Variants in NMT1 observed in about 807,000 individuals in gnomAD.
NMT1 encodes the protein N-myristoyltransferase 1, also known as glycylpeptide N-tetradecanoyltransferase 1.
Under a neutral mutation model 63.4 loss-of-function variants are expected in NMT1, and 12 were observed. The ratio of observed to expected loss-of-function variants is 0.19; its 90% CI spans 0.12 to 0.31. NMT1 has a LOEUF of 0.31. NMT1 is among the 10% of genes least tolerant of loss of function. NMT1 has a pLI of 1.00. For synonymous variants in NMT1, 228 were observed against 234.3 expected, an observed-to-expected ratio of 0.97 and a Z score of 0.25; for missense variants, 432 against 634.6, an observed-to-expected ratio of 0.68 and a Z score of 3.43.
chr17:45,099,017 C>A (rs914254601), intron 7 of NMT1, among the ~76,000 whole-genome samples: 3 of 152,150 alleles, frequency 2.0e-5, no homozygotes, highest in Non-Finnish European at 4.4e-5. Flanking sequence ...CCTTAGAGAA[C>A]TTTAAAAGTA....
intron 3 of NMT1, among the ~76,000 whole-genome samples, chr17:45,088,839 C>T (rs1016063988): frequency 6.6e-6 from 1 of 151,830 alleles, no homozygotes; most frequent in Admixed American, 6.6e-5. Context: ...CTTTGTTTTC[C>T]TTTCACCTGT....
chr17:45,071,085 A>G (rs2053936618), intron 1 of NMT1, among the ~76,000 whole-genome samples: 1 of 152,182 alleles, frequency 6.6e-6, no homozygotes, highest in Non-Finnish European at 1.5e-5. Flanking sequence ...CTTTCTGAGT[A>G]CTAATAGGAT....
chr17:45,075,929 G>A (rs2053974649), intron 1 of NMT1, among the ~76,000 whole-genome samples: 2 of 151,996 alleles, frequency 1.3e-5, no homozygotes, highest in Admixed American at 6.6e-5. Context: ...GATTAGCTGG[G>A]TATGGTGGTA....
At chr17:45,067,828 G>C (rs1854226715) in intron 1 of NMT1, among the ~76,000 whole-genome samples, 1 of 152,204 alleles carries the variant, frequency 6.6e-6, no homozygotes, top group South Asian at 2.1e-4. Flanking sequence ...GAAGAGACTG[G>C]AAAGCAGAAG....
At chr17:45,101,272 C>G (rs2054163642) in intron 8 of NMT1, among the ~76,000 whole-genome samples, 1 of 151,066 alleles carries the variant, frequency 6.6e-6, no homozygotes, top group Admixed American at 6.6e-5. Context: ...CCCACCTCAG[C>G]CTCTCAAAGT....
At chr17:45,061,739 T>G (rs554503247) in intron 1 of NMT1, 49 of 344,130 alleles carry the variant, frequency 1.4e-4, no homozygotes, top group Non-Finnish European at 2.4e-4. Flanking sequence ...AAAGAGCATG[T>G]TGGACGATGG....
chr17:45,082,451 A>G (rs889822870), intron 2 of NMT1, among the ~76,000 whole-genome samples: 13 of 151,910 alleles, frequency 8.6e-5, no homozygotes, highest in Non-Finnish European at 1.3e-4. Flanking sequence ...ATATTTGCAA[A>G]CATTCTCTTA....
intron 3 of NMT1, among the ~76,000 whole-genome samples, chr17:45,091,237 C>CACACACACACACACACACGT (rs1555606665): frequency 1.3e-5 from 2 of 148,322 alleles, no homozygotes; most frequent in African/African-American, 2.5e-5. Flanking sequence ...CACACACACA[C>CACACACACACACACACACGT]GTCCCATAGC....
chr17:45,098,212 C>G (rs901768190), intron 6 of NMT1, among the ~76,000 whole-genome samples, 170 bp from the exon 7 acceptor site: 1 of 152,146 alleles, frequency 6.6e-6, no homozygotes, highest in Admixed American at 6.5e-5. Context: ...GAGGCAGGCT[C>G]CTTGCCTGGT....
At chr17:45,098,959 G>A (rs2054143825) in intron 7 of NMT1, 1 of 228,068 alleles carries the variant, frequency 4.4e-6, no homozygotes, top group African/African-American at 2.2e-5. Flanking sequence ...TGTGATCTAA[G>A]GGCAACCTCT....
Position 45,086,998 on chromosome 17 carries a change from T to TAA in NMT1, c.385+359_385+360dup, listed in dbSNP as rs34544143. On this transcript the variant is annotated intron_variant, in intron 3 of 11. Coordinates refer to ENST00000258960, the MANE Select transcript of NMT1 (RefSeq NM_021079.5). ...ACATAGACCTTGTTTCCACAAAAAG[T>TAA]AAAAAAAAAAAAAATAGCCAGGCAT... 1.2e-3 allele frequency among the ~76,000 whole-genome samples: 165 copies of TAA among 143,282 alleles called. 1 individual carries two copies. The highest frequency in any genetic ancestry group is 2.9e-3 in the South Asian group (13 of 4,452). The allele number at this position is 143,282 out of a possible 152,430, so 94.0% of individuals were successfully genotyped here.
At chr17:45,101,617 CAAAAAAAAAAA>C (rs748973404) in intron 8 of NMT1, among the ~76,000 whole-genome samples, 7 of 53,368 alleles carry the variant, frequency 1.3e-4, no homozygotes, top group East Asian at 5.7e-4. Context: ...GACTCCGTCG[CAAAAAAAAAAA>C]AAAAAAAAAA....
chr17:45,093,587 A>G (rs1458131925), intron 3 of NMT1, 98 bp from the exon 4 acceptor site: 1 of 882,454 alleles, frequency 1.1e-6, no homozygotes, highest in Non-Finnish European at 1.8e-6. Context: ...GAGGGCTCCT[A>G]GGGACAGGAG....
At chr17:45,061,552 C>T in intron 1 of NMT1, 92 bp downstream of exon 1, 1 of 1,144,122 alleles carries the variant, frequency 8.7e-7, no homozygotes, top group Admixed American at 2.5e-5. Context: ...TAGTCTAGCC[C>T]CACCCTCATG....
At chr17:45,101,278 A>C (rs1023331634) in intron 8 of NMT1, among the ~76,000 whole-genome samples, 1 of 150,662 alleles carries the variant, frequency 6.6e-6, no homozygotes, top group African/African-American at 2.4e-5. Context: ...TCAGCCTCTC[A>C]AAGTGCTGGG....
In NMT1 at chr17:45,105,761, C is replaced by T. The variant is rs1165345478; in HGVS notation, c.*122C>T. The stretch of plus-strand genomic sequence containing the variant: ...CCCTGGCAAAGGGAGCAGAACTGAA[C>T]CGGCTTTACCAAACCGCCAGCGAAC... On this transcript the variant is annotated 3_prime_UTR_variant, in exon 12 of 12. Transcript: ENST00000258960. The surrounding 1 kb of genome is among the most constrained non-coding windows in gnomAD (Gnocchi z 4.2). 3.1e-6 allele frequency: 3 copies of T among 980,658 alleles called. No homozygotes were observed. The African/African-American group carries it at 4.9e-5, about 16-fold the overall frequency. 60.7% of individuals were successfully genotyped at this position (980,658 alleles called of 1,614,324 possible). A position where few individuals can be genotyped will look rare whatever the true frequency, so the allele number is the denominator to read the frequency against.
chr17:45,086,185 G>T (rs190384378), intron 2 of NMT1, among the ~76,000 whole-genome samples: 1 of 143,392 alleles, frequency 7.0e-6, no homozygotes, highest in Non-Finnish European at 1.5e-5. Flanking sequence ...GTGCAATGGC[G>T]CCATCTCGGT....
At chr17:45,082,391 C>T (rs947325649) in intron 2 of NMT1, among the ~76,000 whole-genome samples, 6 of 151,966 alleles carry the variant, frequency 3.9e-5, no homozygotes, top group African/African-American at 1.4e-4. Flanking sequence ...GCTGGGATTA[C>T]AAGCGTGAGC....
At chr17:45,071,367 C>T (rs184776070) in intron 1 of NMT1, 1 of 152,260 alleles carries the variant, frequency 6.6e-6, no homozygotes, top group Non-Finnish European at 1.5e-5. Flanking sequence ...TGTGTAGAGA[C>T]AAGATCTCAC....
Sources: allele counts gnomAD v4.1 joint callset (sites outside exome capture counted in the v4.1 genomes callset), GRCh38; gene constraint gnomAD v4.1.1; non-coding constraint Gnocchi (gnomAD v3.1); transcripts MANE v1.5; gene names NCBI Gene and HGNC (gene_info 2026-07-23, HGNC 2026-07-21).